Variants in GPBP1L1 observed in about 807,000 individuals in gnomAD.
GPBP1L1 encodes the protein GC-rich promoter binding protein 1 like 1, also known as vasculin-like protein 1.
Under a neutral mutation model 52.5 loss-of-function variants are expected in GPBP1L1, and 23 were observed. The ratio of observed to expected loss-of-function variants is 0.44; its 90% CI spans 0.32 to 0.62. The LOEUF (loss-of-function observed/expected upper bound fraction) is 0.62, where lower values mean the gene tolerates loss of function less well. Ranked by LOEUF, GPBP1L1 falls within the 20% of genes least tolerant of loss-of-function variation. The pLI, the probability that GPBP1L1 is intolerant of heterozygous loss-of-function variation, is 0.06. For missense variants in GPBP1L1, 596 were observed against 579.3 expected (o/e 1.03, Z -0.30); for synonymous variants, 243 against 203.1 (o/e 1.20, Z -1.67).
In GPBP1L1 at chr1:45,660,209, G is replaced by GTTTC. The variant is rs908038208; in HGVS notation, c.-85_-82dup. The GTTTC allele has an allele frequency of 1.1e-5, 11 of 985,170 alleles. No homozygotes were observed. The highest frequency in any genetic ancestry group is 5.2e-5 in the African/African-American group (3 of 57,182). 61.0% of individuals were successfully genotyped at this position (985,170 alleles called of 1,614,324 possible). ...CCCAGAGTGTAACCTCTGTGGTCCT[G>GTTTC]TTTCTGAACTCGAGTCGGCCAGCTG... On this transcript the variant is annotated 5_prime_UTR_variant, in exon 3 of 13. Coordinates refer to ENST00000355105, the MANE Select transcript of GPBP1L1 (RefSeq NM_021639.5).
At position 45,660,213 on chromosome 1, in the gene GPBP1L1, C is replaced by T; in HGVS notation, c.-85G>A. The T allele has an allele frequency of 2.0e-6, 2 of 985,364 alleles. No homozygotes were observed. The highest frequency in any genetic ancestry group is 4.7e-5 in the South Asian group (1 of 21,278). 61.0% of individuals were successfully genotyped at this position (985,364 alleles called of 1,614,324 possible). Reference sequence around the variant, plus strand: ...GAGTGTAACCTCTGTGGTCCTGTTTCTGAACTCGAGTCGGCCAGCTGGATC... The same window carrying T: ...GAGTGTAACCTCTGTGGTCCTGTTTTTGAACTCGAGTCGGCCAGCTGGATC... On this transcript the variant is annotated 5_prime_UTR_variant, in exon 3 of 13. Transcript: ENST00000355105.
At chr1:45,684,258 CAAAAAAAAA>C (rs60624036) in intron 2 of GPBP1L1, among the ~76,000 whole-genome samples, 11 of 88,480 alleles carry the variant, frequency 1.2e-4, no homozygotes, top group East Asian at 3.0e-4. Flanking sequence ...AACTCCGTCT[CAAAAAAAAA>C]AAAAAAAAAA....
At chr1:45,659,950 G>A (rs1644929315) in intron 3 of GPBP1L1, among the ~76,000 whole-genome samples, 1 of 151,742 alleles carries the variant, frequency 6.6e-6, no homozygotes, top group South Asian at 2.1e-4. Flanking sequence ...CAAGATGGGG[G>A]AAAAAAAGAT....
chr1:45,675,666 A>C (rs750490069), intron 2 of GPBP1L1, among the ~76,000 whole-genome samples: 4 of 152,150 alleles, frequency 2.6e-5, no homozygotes, highest in Admixed American at 6.5e-5. Flanking sequence ...CAGCTTCCCA[A>C]GTAGCAAGGA....
At position 45,667,597 on chromosome 1, in the gene GPBP1L1, G is replaced by C. The variant is rs1354046583; in HGVS notation, c.-1097-6372C>G. 2.6e-5 allele frequency among the ~76,000 whole-genome samples: 4 copies of C among 152,278 alleles called. No individual in the cohort carries two copies. The East Asian group carries it at 5.8e-4, about 22-fold the overall frequency. ...TGGCTTCAACCACTCATTTTCTCCA[G>C]AGTCCAGTAGCATCATCAATTTATT... On this transcript the variant is annotated intron_variant, in intron 2 of 12. Transcript: ENST00000355105.
chr1:45,636,416 A>G (rs1343289783), intron 8 of GPBP1L1, among the ~76,000 whole-genome samples: 1 of 152,134 alleles, frequency 6.6e-6, no homozygotes, highest in Non-Finnish European at 1.5e-5. Context: ...TTGTGTAGAT[A>G]ATATGTAAAA....
chr1:45,630,678 C>A, intron 10 of GPBP1L1, 72 bp from the exon 11 acceptor site: 1 of 1,535,084 alleles, frequency 6.5e-7, no homozygotes, highest in South Asian at 1.2e-5. Context: ...CCTATGAAAT[C>A]AAGGACTCAC....
intron 2 of GPBP1L1, among the ~76,000 whole-genome samples, chr1:45,675,670 G>T (rs930540627): frequency 6.6e-6 from 1 of 152,162 alleles, no homozygotes; most frequent in African/African-American, 2.4e-5. Context: ...TTCCCAAGTA[G>T]CAAGGACTAC....
chr1:45,655,284 G>C lies in GPBP1L1; in HGVS notation c.96C>G (p.His32Gln), dbSNP rs939828598. 6.2e-6 allele frequency: 10 copies of C among 1,613,940 alleles called. No homozygotes were observed. In the African/African-American group the frequency reaches 1.2e-4, roughly 19 times the overall value. ...PTATFEKHGE[H>Q]LPRGEGRFGV... ...CAAATCTACCTTCTCCTCTGGGTAG[G>C]TGCTCTCCGTGTTTTTCGAAGGTGG... is the stretch of plus-strand genomic sequence containing the variant. Residue 32 changes from histidine (H) to glutamine (Q), a missense_variant, in exon 5 of 13, where the codon CAC (histidine) becomes CAG (glutamine). By Grantham distance (24) the His-to-Gln change is conservative (BLOSUM62 0). Transcript: ENST00000355105.
chr1:45,668,553 T>C (rs1191329715), intron 2 of GPBP1L1, among the ~76,000 whole-genome samples: 4 of 152,066 alleles, frequency 2.6e-5, no homozygotes, highest in Non-Finnish European at 4.4e-5. Flanking sequence ...AGTTGGGCTG[T>C]TGAGGCACAA....
rs533229213 is a variant in GPBP1L1, at chr1:45,650,318, T to C, written c.477+4225A>G. Among the ~76,000 whole-genome samples the C allele has an allele frequency of 9.2e-5, 14 of 152,298 alleles. No individual in the cohort carries two copies. The South Asian group carries it at 2.9e-3, about 32-fold the overall frequency. On this transcript the variant is annotated intron_variant, in intron 6 of 12. Coordinates refer to ENST00000355105, the MANE Select transcript of GPBP1L1 (RefSeq NM_021639.5). ...ACTCTCTAACCCTTACAACCACACT[T>C]GTCAATTTTGAAAGGCCATCCCAAA...
At chr1:45,628,466 C>A in intron 12 of GPBP1L1, 58 bp from the exon 13 acceptor site, 1 of 1,542,064 alleles carries the variant, frequency 6.5e-7, no homozygotes. Flanking sequence ...CTGTACTGAC[C>A]CATAAGCCCT....
At chr1:45,647,010 A>T (rs993361620) in intron 6 of GPBP1L1, among the ~76,000 whole-genome samples, 1 of 151,612 alleles carries the variant, frequency 6.6e-6, no homozygotes, top group African/African-American at 2.4e-5. Flanking sequence ...CATTTAAAAA[A>T]TTTTCCTTCG....
At chr1:45,665,009 C>T (rs1391204986) in intron 2 of GPBP1L1, among the ~76,000 whole-genome samples, 3 of 151,590 alleles carry the variant, frequency 2.0e-5, no homozygotes, top group Non-Finnish European at 2.9e-5. Flanking sequence ...TGAAAGATGG[C>T]CGGGCGTGGT....
chr1:45,654,950 T>C, intron 5 of GPBP1L1, 121 bp from the exon 6 acceptor site: 2 of 1,100,088 alleles, frequency 1.8e-6, no homozygotes, highest in Non-Finnish European at 1.3e-6. Flanking sequence ...AATAAAAAAA[T>C]GTATCTTTTC....
intron 11 of GPBP1L1, among the ~76,000 whole-genome samples, 165 bp downstream of exon 11, chr1:45,630,317 T>C (rs11585275): frequency 0.17 from 26,321 of 152,236 alleles, 2,733 homozygotes; most frequent in Non-Finnish European, 0.23. Context: ...TGAGAGAGAA[T>C]GCTTGATGAG....
intron 4 of GPBP1L1, chr1:45,656,175 GAA>G (rs1424481133): frequency 3.3e-5 from 5 of 152,174 alleles, no homozygotes; most frequent in Admixed American, 2.0e-4. Context: ...TACACATAAT[GAA>G]AGAGGTCAGA....
chr1:45,631,760 CA>C (rs1326721464), intron 10 of GPBP1L1, among the ~76,000 whole-genome samples: 1 of 152,034 alleles, frequency 6.6e-6, no homozygotes, highest in African/African-American at 2.4e-5. Flanking sequence ...ATCTCTGTAC[CA>C]AACAAAATAT....
intron 5 of GPBP1L1, 68 bp downstream of exon 5, chr1:45,655,107 AAGATTACAGACATGT>A: frequency 1.3e-6 from 2 of 1,521,656 alleles, no homozygotes; most frequent in South Asian, 2.3e-5. Context: ...ATCCTATTTC[AAGATTACAGACATGT>A]ACCCACAGCC....
Sources: gnomAD v4.1 joint callset for allele counts (sites outside exome capture counted in the v4.1 genomes callset) on GRCh38, gnomAD v4.1.1 for gene constraint, MANE v1.5 for transcripts, NCBI Gene and HGNC (gene_info 2026-07-23, HGNC 2026-07-21) for gene names.